The following MC2R variants were observed in gnomAD, a reference collection of about 807,000 sequenced individuals.
The protein encoded by MC2R is adrenocorticotropic hormone receptor.
A neutral mutation model predicts 9.8 loss-of-function variants in MC2R; 9 were observed. The observed-to-expected ratio is 0.92, with a 90% CI of 0.55 to 1.60. The LOEUF (loss-of-function observed/expected upper bound fraction) is 1.60. MC2R is among the 40% of genes most tolerant of loss of function. MC2R has a pLI of 0.00. For synonymous variants in MC2R, 185 were observed against 154.7 expected, an observed-to-expected ratio of 1.20 and a Z score of -1.45; for missense variants, 370 against 389.0, an observed-to-expected ratio of 0.95 and a Z score of 0.41.
intron 1 of MC2R, among the ~76,000 whole-genome samples, chr18:13,913,013 G>A (rs991582703): frequency 5.9e-5 from 9 of 151,976 alleles, no homozygotes; most frequent in African/African-American, 7.2e-5. Context: ...CAGCTTTTCC[G>A]ACACTTCACA....
At chr18:13,900,029 A>C (rs745571112) in intron 1 of MC2R, among the ~76,000 whole-genome samples, 1 of 152,164 alleles carries the variant, frequency 6.6e-6, no homozygotes, top group Non-Finnish European at 1.5e-5. Flanking sequence ...GCAATCAATA[A>C]AATATAATAA....
rs4797824 is a variant in MC2R, at chr18:13,884,514, C to T, written c.*111G>A. ...CTAGCTGGTGGGATCATCCTTGCAT[C>T]CATTAGGGAAGGAAGGCCAGTGAGG... On this transcript the variant is annotated 3_prime_UTR_variant, in exon 2 of 2. Transcript: ENST00000327606. The T allele has an allele frequency of 0.3, 356,880 of 1,188,524 alleles. 55,618 individuals carry two copies. Among genetic ancestry groups the T allele is most frequent in the Middle Eastern group, 0.34 (1,240 of 3,696 alleles). 73.6% of individuals were successfully genotyped at this position (1,188,524 alleles called of 1,614,324 possible). A position where few individuals can be genotyped will look rare whatever the true frequency, so the allele number is the denominator to read the frequency against.
chr18:13,911,131 G>C (rs1345937223), intron 1 of MC2R, among the ~76,000 whole-genome samples: 2 of 152,202 alleles, frequency 1.3e-5, no homozygotes, highest in Non-Finnish European at 2.9e-5. Context: ...GTGATTGCTA[G>C]AGCAAGGAGG....
At chr18:13,901,795 C>T (rs1169431429) in intron 1 of MC2R, among the ~76,000 whole-genome samples, 1 of 152,088 alleles carries the variant, frequency 6.6e-6, no homozygotes, top group East Asian at 1.9e-4. Context: ...CTGAATTCTA[C>T]TGAACATTTA....
intron 1 of MC2R, among the ~76,000 whole-genome samples, chr18:13,887,542 G>A (rs1302597129): frequency 6.6e-6 from 1 of 152,216 alleles, no homozygotes; most frequent in African/African-American, 2.4e-5. Context: ...AGGGTGCCAG[G>A]TATGTGGTGA....
rs2045260443 is a variant in MC2R, at chr18:13,884,615, A to G, written c.*10T>C. ...ATTCCCATGGATTCTAAAACCAGGGATCAGCCATTCTACCAGTACCTGCTG... is the reference window on the plus strand; with the variant it reads ...ATTCCCATGGATTCTAAAACCAGGGGTCAGCCATTCTACCAGTACCTGCTG... On this transcript the variant is annotated 3_prime_UTR_variant, in exon 2 of 2. Transcript: ENST00000327606. The G allele has an allele frequency of 3.7e-6, 6 of 1,611,358 alleles. No homozygotes were observed. In the South Asian group the frequency reaches 4.4e-5, roughly 12 times the overall value.
intron 1 of MC2R, among the ~76,000 whole-genome samples, chr18:13,898,469 C>T (rs1312559883): frequency 6.6e-6 from 1 of 152,242 alleles, no homozygotes; most frequent in Admixed American, 6.5e-5. Flanking sequence ...AAAGGAAAGA[C>T]ACAGGCCTGG....
chr18:13,910,646 G>C (rs746743702), intron 1 of MC2R, among the ~76,000 whole-genome samples: 1 of 152,160 alleles, frequency 6.6e-6, no homozygotes, highest in African/African-American at 2.4e-5. Flanking sequence ...GCCTGGAGGA[G>C]AGACAGCTGC....
At chr18:13,890,642 A>G (rs2045310397) in intron 1 of MC2R, among the ~76,000 whole-genome samples, 1 of 152,046 alleles carries the variant, frequency 6.6e-6, no homozygotes, top group Admixed American at 6.6e-5. Context: ...CACTAGATGC[A>G]TTTAAGATTT....
intron 1 of MC2R, among the ~76,000 whole-genome samples, chr18:13,899,695 T>A (rs1335951308): frequency 6.6e-6 from 1 of 151,950 alleles, no homozygotes; most frequent in Non-Finnish European, 1.5e-5. Context: ...CAGGAGAGAG[T>A]GGCATGGTAT....
At chr18:13,890,226 G>A (rs1267543650) in intron 1 of MC2R, among the ~76,000 whole-genome samples, 1 of 152,184 alleles carries the variant, frequency 6.6e-6, no homozygotes, top group Admixed American at 6.5e-5. Flanking sequence ...GCTACAGAAA[G>A]CCTTTGAGCA....
At chr18:13,898,949 C>T (rs187947288) in intron 1 of MC2R, among the ~76,000 whole-genome samples, 48 of 152,318 alleles carry the variant, frequency 3.2e-4, no homozygotes, top group Middle Eastern at 6.8e-3. Context: ...CCTGACTCTT[C>T]AGTACTAGAC....
chr18:13,885,249 G>A lies in MC2R; in HGVS notation c.270C>T (p.Gly90=), dbSNP rs2045268342. 2 of 1,614,130 alleles carry A rather than the reference G, an allele frequency of 1.2e-6. No individual in the cohort carries two copies. The highest frequency in any genetic ancestry group is 4.5e-5 in the East Asian group (2 of 44,876). The change falls in exon 2 of 2, where the codon GGC becomes GGT. Residue 90 remains glycine (G), a synonymous_variant. Coordinates refer to ENST00000327606, the MANE Select transcript of MC2R (RefSeq NM_000529.2). ...ENILIILRNM[G]YLKPRGSFET... ...CAAAACTGCCACGTGGCTTGAGATA[G>A]CCCATGTTTCTCAATATGATCAGGA... is the stretch of plus-strand genomic sequence containing the variant.
At chr18:13,889,695 A>T (rs979492440) in intron 1 of MC2R, among the ~76,000 whole-genome samples, 9 of 152,010 alleles carry the variant, frequency 5.9e-5, no homozygotes, top group African/African-American at 7.3e-5. Flanking sequence ...GACCAAAAAA[A>T]ATATATATAG....
chr18:13,885,456 A>G lies in MC2R; in HGVS notation c.63T>C (p.Cys21=). The G allele has an allele frequency of 6.2e-7, 1 of 1,614,160 alleles. No individual in the cohort carries two copies. The highest frequency in any genetic ancestry group is 8.5e-7 in the Non-Finnish European group (1 of 1,180,036). ...TCTCCTCCGGCAAAACCACACGAGG[A>G]CAGTCGGAATTATTTCTTGCTGTGT... The part of the protein sequence containing the change: ...INNTARNNSD[C]PRVVLPEEIF... Residue 21 remains cysteine, a synonymous_variant, in exon 2 of 2, where the codon TGT becomes TGC. Coordinates refer to ENST00000327606, the MANE Select transcript of MC2R (RefSeq NM_000529.2).
At chr18:13,913,044 T>A (rs1168998169) in intron 1 of MC2R, among the ~76,000 whole-genome samples, 1 of 152,150 alleles carries the variant, frequency 6.6e-6, no homozygotes, top group Non-Finnish European at 1.5e-5. Flanking sequence ...GCTTACAGTA[T>A]AATTTCTTTT....
intron 1 of MC2R, among the ~76,000 whole-genome samples, chr18:13,913,344 T>C (rs2045457667): frequency 6.6e-6 from 1 of 152,162 alleles, no homozygotes; most frequent in South Asian, 2.1e-4. Context: ...ACTCGGACCT[T>C]TCCCTGCCAC....
At chr18:13,899,527 A>G (rs979904221) in intron 1 of MC2R, among the ~76,000 whole-genome samples, 2 of 152,228 alleles carry the variant, frequency 1.3e-5, no homozygotes, top group South Asian at 2.1e-4. Flanking sequence ...TAGAACATCA[A>G]GCATATTTAA....
At chr18:13,895,614 G>GA (rs933757387) in intron 1 of MC2R, among the ~76,000 whole-genome samples, 5 of 151,716 alleles carry the variant, frequency 3.3e-5, no homozygotes, top group South Asian at 2.1e-4. Context: ...TGTCGAAAAA[G>GA]AAAAAAAAGC....
Sources: gnomAD v4.1 joint callset for allele counts (sites outside exome capture counted in the v4.1 genomes callset) on GRCh38, gnomAD v4.1.1 for gene constraint, MANE v1.5 for transcripts, NCBI Gene and HGNC (gene_info 2026-07-23, HGNC 2026-07-21) for gene names.